The following TNKS1BP1 variants were observed in gnomAD, a reference collection of about 807,000 sequenced individuals.
TNKS1BP1 encodes the protein CCR4-NOT transcription complex subunit 12, also known as 182 kDa tankyrase-1-binding protein.
In TNKS1BP1, 48 loss-of-function variants were observed where a neutral mutation model predicts 141.1. The observed-to-expected ratio is 0.34, with a 90% CI of 0.27 to 0.43. The LOEUF is 0.43. Ranked by LOEUF, TNKS1BP1 falls within the 20% of genes least tolerant of loss-of-function variation. The pLI, the probability that TNKS1BP1 is intolerant of heterozygous loss-of-function variation, is 1.00. For synonymous variants in TNKS1BP1, 875 were observed against 898.2 expected (o/e 0.97, Z 0.46); for missense variants, 2,149 against 2,226.0 (o/e 0.97, Z 0.70).
At chr11:57,300,811 T>TCATCAAAC in intron 10 of TNKS1BP1, 73 bp downstream of exon 10, 1 of 1,564,090 alleles carries the variant, frequency 6.4e-7, no homozygotes, top group Non-Finnish European at 8.7e-7. Flanking sequence ...GCCTCTTCTG[T>TCATCAAAC]GAAGTGAGAG....
intron 5 of TNKS1BP1, chr11:57,311,499 C>G (rs1019788555): frequency 4.2e-5 from 41 of 981,080 alleles, no homozygotes; most frequent in Non-Finnish European, 4.8e-5. Flanking sequence ...GCCCTGCTCC[C>G]TCCGGAGCAG....
At chr11:57,300,440 G>T in intron 11 of TNKS1BP1, 88 bp downstream of exon 11, 2 of 1,220,296 alleles carry the variant, frequency 1.6e-6, no homozygotes, top group Non-Finnish European at 2.4e-6. Context: ...AGGGGTGGGA[G>T]CTAAGGGACA....
At chr11:57,321,699 A>T in intron 2 of TNKS1BP1, 93 bp downstream of exon 2, 1 of 1,444,918 alleles carries the variant, frequency 6.9e-7, no homozygotes, top group Non-Finnish European at 9.4e-7. Context: ...CAGAATCATC[A>T]CTCAACCACC....
At chr11:57,322,598 CT>C (rs1288718081) in intron 1 of TNKS1BP1, among the ~76,000 whole-genome samples, 1 of 152,244 alleles carries the variant, frequency 6.6e-6, no homozygotes. Context: ...TTCTCAATCG[CT>C]TGGCTTCAGC....
Position 57,309,017 on chromosome 11 carries a change from T to A in TNKS1BP1, c.3694A>T (p.Asn1232Tyr), listed in dbSNP as rs144855419. The A allele has an allele frequency of 1.3e-4, 212 of 1,614,012 alleles. No homozygotes were observed. The Admixed American group carries it at 3.5e-3, about 27-fold the overall frequency. Residue 1232 changes from asparagine (N) to tyrosine (Y), a missense_variant, in exon 6 of 12, where the codon AAT becomes TAT. Transcript: ENST00000358252. This position sits in a 1 kb window ranked among gnomAD's most constrained non-coding sequence, Gnocchi z 4.3. ...VGEKDWTSDV[N>Y]VKSKDLAEVG... Reference sequence around the variant, plus strand: ...TCAGCCAAATCTTTGCTCTTCACATTAACATCAGAAGTCCAGTCCTTCTCC... The same window carrying A: ...TCAGCCAAATCTTTGCTCTTCACATAAACATCAGAAGTCCAGTCCTTCTCC...
Position 57,309,947 on chromosome 11 carries a change from C to T in TNKS1BP1, c.2764G>A (p.Asp922Asn). 1 of 1,614,218 alleles carries T rather than the reference C, an allele frequency of 6.2e-7. No homozygotes were observed. Among genetic ancestry groups the T allele is most frequent in the South Asian group, 1.1e-5 (1 of 91,088 alleles). ...AACTCCCAGTCCTGCTCATCGGCAT[C>T]CTGGCTGCTGTACCTACCATGGTGG... ...RDHHGRYSSQ[D>N]ADEQDWEFQK... is the part of the protein sequence containing the mutation. Residue 922 changes from aspartate to asparagine, a missense_variant, in exon 6 of 12, where the codon GAT becomes AAT. Asp to Asn is a conservative substitution (Grantham distance 23). Coordinates refer to ENST00000358252, the MANE Select transcript of TNKS1BP1 (RefSeq NM_033396.3). This position sits in a 1 kb window ranked among gnomAD's most constrained non-coding sequence, Gnocchi z 4.3.
intron 4 of TNKS1BP1, among the ~76,000 whole-genome samples, chr11:57,314,663 T>C (rs1417672865): frequency 6.6e-6 from 1 of 152,102 alleles, no homozygotes; most frequent in Non-Finnish European, 1.5e-5. Context: ...CATGGGATGA[T>C]GGCGGCAGAG....
At chr11:57,307,317 G>A (rs1017420788) in intron 6 of TNKS1BP1, among the ~76,000 whole-genome samples, 2 of 151,946 alleles carry the variant, frequency 1.3e-5, no homozygotes, top group Admixed American at 6.6e-5. Context: ...CCCTCCCCTC[G>A]TCCCTGCAGT....
chr11:57,320,029 C>T (rs1855858491), intron 3 of TNKS1BP1, 50 bp downstream of exon 3: 3 of 1,548,806 alleles, frequency 1.9e-6, no homozygotes, highest in East Asian at 2.4e-5. Flanking sequence ...CCAATCCCAC[C>T]CCACCTGACC....
At chr11:57,304,182 C>T (rs867479411) in intron 6 of TNKS1BP1, among the ~76,000 whole-genome samples, 5 of 152,094 alleles carry the variant, frequency 3.3e-5, no homozygotes, top group South Asian at 2.1e-4. Flanking sequence ...AAGCCTGGCA[C>T]GGCAGTGCCT....
intron 3 of TNKS1BP1, among the ~76,000 whole-genome samples, chr11:57,318,089 G>A (rs1340520611): frequency 1.3e-5 from 2 of 152,202 alleles, no homozygotes; most frequent in Non-Finnish European, 2.9e-5. Flanking sequence ...CCAGAAAACA[G>A]TGCTTATTCC....
Sources: allele counts gnomAD v4.1 joint callset (sites outside exome capture counted in the v4.1 genomes callset), GRCh38; gene constraint gnomAD v4.1.1; non-coding constraint Gnocchi (gnomAD v3.1); transcripts MANE v1.5; gene names NCBI Gene and HGNC (gene_info 2026-07-23, HGNC 2026-07-21).